Variants in HMCN1 observed in about 807,000 individuals in gnomAD.
HMCN1 encodes the protein hemicentin 1.
In HMCN1, 321 loss-of-function variants were observed where a neutral mutation model predicts 625.9. That is an observed-to-expected ratio of 0.51 (90% CI 0.47 to 0.56). The LOEUF (loss-of-function observed/expected upper bound fraction) is 0.56. Ranked by LOEUF, HMCN1 falls within the 20% of genes least tolerant of loss-of-function variation. HMCN1 has a pLI of 0.00. For missense variants in HMCN1, 6,588 were observed against 6,887.3 expected, an observed-to-expected ratio of 0.96 and a Z score of 1.54; for synonymous variants, 2,425 against 2,417.6, an observed-to-expected ratio of 1.00 and a Z score of -0.09.
At chr1:185,933,433 C>T (rs1052223285) in intron 10 of HMCN1, 116 bp from the exon 11 acceptor site, 1 of 960,524 alleles carries the variant, frequency 1.0e-6, no homozygotes, top group Non-Finnish European at 1.6e-6. Context: ...AGTTCTGTTG[C>T]ACTGCATCTT....
chr1:185,886,856 C>A (rs975904841), intron 4 of HMCN1, among the ~76,000 whole-genome samples: 14 of 152,208 alleles, frequency 9.2e-5, no homozygotes, highest in African/African-American at 3.1e-4. Context: ...GATTCTACTG[C>A]CAGTTGAATG....
intron 89 of HMCN1, among the ~76,000 whole-genome samples, chr1:186,138,408 T>G (rs1425446574): frequency 1.3e-5 from 2 of 152,192 alleles, no homozygotes; most frequent in Admixed American, 1.3e-4. Context: ...ATAGGAACCA[T>G]GCTAGGTGCT....
chr1:186,019,862 TTTTGA>T (rs1201945087), intron 35 of HMCN1, among the ~76,000 whole-genome samples, 167 bp downstream of exon 35: 3 of 152,070 alleles, frequency 2.0e-5, no homozygotes, highest in East Asian at 1.9e-4. Flanking sequence ...TTTAACAATA[TTTTGA>T]TTTGAAGAAT....
chr1:185,882,512 GT>G (rs908877078), intron 4 of HMCN1, among the ~76,000 whole-genome samples: 1 of 151,676 alleles, frequency 6.6e-6, no homozygotes. Context: ...AAAGTATCCT[GT>G]TTTTTTAAAA....
chr1:185,829,569 C>T (rs1235261211), intron 1 of HMCN1, among the ~76,000 whole-genome samples: 1 of 152,116 alleles, frequency 6.6e-6, no homozygotes, highest in African/African-American at 2.4e-5. Context: ...TCATCCATGT[C>T]CCTGCAAAGG....
intron 4 of HMCN1, among the ~76,000 whole-genome samples, chr1:185,887,613 C>T (rs1160257835): frequency 6.7e-6 from 1 of 149,306 alleles, no homozygotes; most frequent in Non-Finnish European, 1.5e-5. Context: ...CAATTTCATC[C>T]ATGTCCCTAC....
intron 46 of HMCN1, among the ~76,000 whole-genome samples, chr1:186,058,679 T>TAA (rs995133857): frequency 2.6e-5 from 4 of 152,094 alleles, no homozygotes; most frequent in Non-Finnish European, 4.4e-5. Context: ...TGTCTGAATA[T>TAA]AAACAACTTA....
intron 15 of HMCN1, among the ~76,000 whole-genome samples, chr1:185,975,995 C>T (rs1323934772): frequency 1.3e-5 from 2 of 151,922 alleles, no homozygotes; most frequent in East Asian, 3.9e-4. Flanking sequence ...GAATAATGCC[C>T]AAAGTACTAT....
At chr1:185,874,898 G>A (rs1663835765) in intron 4 of HMCN1, among the ~76,000 whole-genome samples, 1 of 151,566 alleles carries the variant, frequency 6.6e-6, no homozygotes, top group South Asian at 2.1e-4. Context: ...AAAGGAGAAA[G>A]TCTTCAGGAA....
intron 14 of HMCN1, among the ~76,000 whole-genome samples, chr1:185,969,993 G>T (rs1481515271): frequency 6.6e-6 from 1 of 152,122 alleles, no homozygotes; most frequent in Admixed American, 6.5e-5. Flanking sequence ...AATGCATCCT[G>T]CCACAAAGAT....
At position 185,833,813 on chromosome 1, in the gene HMCN1, CTT is replaced by C. The variant is rs764816372; in HGVS notation, c.269-12210_269-12209del. ...ATTGTTTTTTCCTGACAGCCATACT[CTT>C]TTCCAATTTCTTCAGATATCACATT... On this transcript the variant is annotated intron_variant, in intron 1 of 106. Coordinates refer to ENST00000271588, the MANE Select transcript of HMCN1 (RefSeq NM_031935.3). Among the ~76,000 whole-genome samples the C allele has an allele frequency of 7.9e-5, 12 of 152,154 alleles. No homozygotes were observed. In the East Asian group the frequency reaches 2.1e-3, roughly 27 times the overall value.
At position 186,041,077 on chromosome 1, in the gene HMCN1, C is replaced by G. The variant is rs764687449; in HGVS notation, c.6245C>G (p.Thr2082Ser). 1.2e-6 allele frequency: 2 copies of G among 1,612,742 alleles called. No individual in the cohort carries two copies. Among genetic ancestry groups the G allele is most frequent in the Non-Finnish European group, 1.7e-6 (2 of 1,179,080 alleles). ...SAQISDTGRYTCVAVNAAGEK... is the reference protein window; with the variant it reads ...SAQISDTGRYSCVAVNAAGEK... ...CAAATCAGCGACACAGGAAGGTACA[C>G]CTGCGTGGCAGTGAATGCTGCTGGA... Residue 2082 changes from threonine to serine, a missense_variant, in exon 40 of 107, where the codon ACC (threonine) becomes AGC (serine). Coordinates refer to ENST00000271588, the MANE Select transcript of HMCN1 (RefSeq NM_031935.3).
intron 11 of HMCN1, among the ~76,000 whole-genome samples, chr1:185,945,335 A>G (rs1200563078): frequency 6.6e-6 from 1 of 152,232 alleles, no homozygotes. Context: ...AGTTAAACAC[A>G]TGAAGTGTTT....
At chr1:186,018,476 A>G in intron 34 of HMCN1, 124 bp downstream of exon 34, 1 of 1,038,740 alleles carries the variant, frequency 9.6e-7, no homozygotes, top group Non-Finnish European at 1.5e-6. Flanking sequence ...AGTGTAAAGG[A>G]TGTGAATTTC....
At chr1:185,896,504 A>G (rs1433954874) in intron 4 of HMCN1, among the ~76,000 whole-genome samples, 1 of 152,214 alleles carries the variant, frequency 6.6e-6, no homozygotes, top group East Asian at 1.9e-4. Context: ...TTATTTTTCT[A>G]TGATTCTTTA....
In HMCN1 at chr1:185,734,576, C is replaced by T; in HGVS notation, c.-204C>T. The stretch of plus-strand genomic sequence containing the variant: ...GAAGCCGCATCCAGACAAAAGCTGC[C>T]GCATCCCTGCCCTGCCCAACCCCTG... On this transcript the variant is annotated 5_prime_UTR_variant, in exon 1 of 107. Coordinates refer to ENST00000271588, the MANE Select transcript of HMCN1 (RefSeq NM_031935.3). The T allele has an allele frequency of 1.7e-6, 1 of 591,450 alleles. No homozygotes were observed. Among genetic ancestry groups the T allele is most frequent in the Non-Finnish European group, 3.0e-6 (1 of 333,454 alleles). The allele number at this position is 591,450 out of a possible 1,614,324, so 36.6% of individuals were successfully genotyped here.
intron 4 of HMCN1, among the ~76,000 whole-genome samples, chr1:185,883,660 A>G (rs1664447242): frequency 6.6e-6 from 1 of 151,998 alleles, no homozygotes; most frequent in Non-Finnish European, 1.5e-5. Context: ...TGGATATTGG[A>G]ATTGTTTCTA....
rs148249190 is a variant in HMCN1, at chr1:185,947,800, A to G, written c.1828+13976A>G. Among the ~76,000 whole-genome samples the G allele has an allele frequency of 3.5e-3, 533 of 152,332 alleles. 2 individuals carry two copies. Among genetic ancestry groups the G allele is most frequent in the Non-Finnish European group, 5.2e-3 (357 of 68,030 alleles). ...AAAATGTTTAAATGTATTCATTGCCATTTACGCTAGTTGAAAATTACAGAA... is the reference window on the plus strand; with the variant it reads ...AAAATGTTTAAATGTATTCATTGCCGTTTACGCTAGTTGAAAATTACAGAA... On this transcript the variant is annotated intron_variant, in intron 11 of 106. Transcript: ENST00000271588.
intron 53 of HMCN1, 22 bp from the exon 54 acceptor site, chr1:186,076,406 A>G: frequency 1.2e-6 from 2 of 1,608,248 alleles, no homozygotes; most frequent in South Asian, 1.1e-5. Flanking sequence ...TGTGACCAAC[A>G]TTTAATGCCT....
Sources: allele counts gnomAD v4.1 joint callset (sites outside exome capture counted in the v4.1 genomes callset), GRCh38; gene constraint gnomAD v4.1.1; transcripts MANE v1.5; gene names NCBI Gene and HGNC (gene_info 2026-07-23, HGNC 2026-07-21).